The following ZBP1 variants were observed in gnomAD, a reference collection of about 807,000 sequenced individuals.
ZBP1 encodes the protein Z-DNA binding protein 1, also known as Z-DNA-binding protein 1.
Under a neutral mutation model 41.1 loss-of-function variants are expected in ZBP1, and 42 were observed. The ratio of observed to expected loss-of-function variants is 1.02; its 90% CI spans 0.80 to 1.32. ZBP1 has a LOEUF of 1.32. Ranked by LOEUF, ZBP1 falls within the 40% of genes most tolerant of loss-of-function variation. The pLI is 0.00. For missense variants in ZBP1, 562 were observed against 549.7 expected, an observed-to-expected ratio of 1.02 and a Z score of -0.22; for synonymous variants, 214 against 205.2, an observed-to-expected ratio of 1.04 and a Z score of -0.37.
At chr20:57,615,667 G>A in intron 2 of ZBP1, 87 bp from the exon 3 acceptor site, 1 of 1,211,642 alleles carries the variant, frequency 8.3e-7, no homozygotes, top group Non-Finnish European at 1.2e-6. Context: ...CTCCCTAGGG[G>A]TAAGTGGCAA....
In ZBP1 at chr20:57,610,240, G is replaced by A. The variant is rs201420065; in HGVS notation, c.1002C>T (p.Ile334=). The A allele has an allele frequency of 2.4e-4, 395 of 1,614,184 alleles. 4 individuals carry two copies. The South Asian group carries it at 2.6e-3, about 10-fold the overall frequency. Residue 334 remains isoleucine, a synonymous_variant, in exon 7 of 8, where the codon ATC becomes ATT. Transcript: ENST00000371173. The surrounding 1 kb of genome is among the most constrained non-coding windows in gnomAD (Gnocchi z 5.5). ...MKSCFLEDAT[I]GNSNKMSISP... ...TGATAGACATTTTGTTGCTGTTGCC[G>A]ATGGTGGCGTCCTCGAGAAAGCACG...
chr20:57,609,362 C>T (rs1379591245), intron 7 of ZBP1, among the ~76,000 whole-genome samples: 1 of 152,214 alleles, frequency 6.6e-6, no homozygotes, highest in Non-Finnish European at 1.5e-5. Context: ...CCCCTCTCCC[C>T]TCTTCCTGTT....
In ZBP1 at chr20:57,604,851, C is replaced by G. The variant is rs187668196; in HGVS notation, c.1094-82G>C. On this transcript the variant is annotated intron_variant, in intron 7 of 7. Transcript: ENST00000371173. ...CAGGGACCCGCTCTTGGAAGGATTT[C>G]GAGCTCAGCTTGAGCCTTTGTTGTT... The G allele has an allele frequency of 3.7e-6, 5 of 1,345,632 alleles. No individual in the cohort carries two copies. In the Admixed American group the frequency reaches 1.0e-4, roughly 28 times the overall value. 83.4% of individuals were successfully genotyped at this position (1,345,632 alleles called of 1,614,324 possible). A position where few individuals can be genotyped will look rare whatever the true frequency, so the allele number is the denominator to read the frequency against.
intron 7 of ZBP1, among the ~76,000 whole-genome samples, chr20:57,609,930 G>C (rs2070604915): frequency 6.6e-6 from 1 of 152,174 alleles, no homozygotes; most frequent in East Asian, 1.9e-4. Flanking sequence ...TAAGGAGACA[G>C]AGGCTCCTGG....
intron 7 of ZBP1, among the ~76,000 whole-genome samples, chr20:57,606,849 T>G (rs982547638): frequency 6.6e-6 from 1 of 152,226 alleles, no homozygotes; most frequent in African/African-American, 2.4e-5. Context: ...AACATTTCAC[T>G]GCTCATCGTC....
At position 57,616,386 on chromosome 20, in the gene ZBP1, T is replaced by G; in HGVS notation, c.117A>C (p.Gln39His). ...VKLAQLVKEC[Q>H]APKRELNQVL... ...CTTGGTTGAGCTCCCTCTTGGGTGC[T>G]TGGCATTCCTTCACCAGCTGGGCAA... Residue 39 changes from glutamine to histidine, a missense_variant, in exon 2 of 8, where the codon CAA (glutamine) becomes CAC (histidine). Transcript: ENST00000371173. 2 of 1,614,162 alleles carry G rather than the reference T, an allele frequency of 1.2e-6. No homozygotes were observed. The highest frequency in any genetic ancestry group is 1.7e-4 in the Middle Eastern group (1 of 6,054).
At chr20:57,618,435 G>A (rs571188138) in intron 1 of ZBP1, among the ~76,000 whole-genome samples, 1 of 152,282 alleles carries the variant, frequency 6.6e-6, no homozygotes, top group African/African-American at 2.4e-5. Flanking sequence ...TGGTTACAAC[G>A]CTGACCGGCT....
In ZBP1 at chr20:57,611,885, G is replaced by T. The variant is rs888158195; in HGVS notation, c.716C>A (p.Ser239Tyr). The T allele has an allele frequency of 3.2e-6, 5 of 1,574,434 alleles. No individual in the cohort carries two copies. The highest frequency in any genetic ancestry group is 3.5e-6 in the Non-Finnish European group (4 of 1,159,382). The change falls in exon 6 of 8, where the codon TCC (serine) becomes TAC (tyrosine). Residue 239 changes from serine (S) to tyrosine (Y), a missense_variant. Coordinates refer to ENST00000371173, the MANE Select transcript of ZBP1 (RefSeq NM_030776.3). ...RHLPSMAPGDSSTWGTLVDPW... is the reference protein window; with the variant it reads ...RHLPSMAPGDYSTWGTLVDPW... ...ATCAACTAGGGTCCCCCAAGTTGAGGAATCACCTGGTGCCATTGAAGGGAG... is the reference window on the plus strand; with the variant it reads ...ATCAACTAGGGTCCCCCAAGTTGAGTAATCACCTGGTGCCATTGAAGGGAG...
intron 7 of ZBP1, among the ~76,000 whole-genome samples, chr20:57,609,222 C>G (rs749008642): frequency 6.6e-6 from 1 of 152,190 alleles, no homozygotes; most frequent in Non-Finnish European, 1.5e-5. Flanking sequence ...TGGACCTGCC[C>G]AACTCTCCAG....
intron 2 of ZBP1, 66 bp from the exon 3 acceptor site, chr20:57,615,646 A>G: frequency 6.9e-7 from 1 of 1,443,782 alleles, no homozygotes; most frequent in Non-Finnish European, 9.5e-7. Flanking sequence ...CCACCCCACA[A>G]AGGTGGGCAG....
chr20:57,604,679 T>A lies in ZBP1; in HGVS notation c.1184A>T (p.Lys395Met), dbSNP rs556864954. 6 of 1,614,152 alleles carry A rather than the reference T, an allele frequency of 3.7e-6. No individual in the cohort carries two copies. Among genetic ancestry groups the A allele is most frequent in the Non-Finnish European group, 5.1e-6 (6 of 1,180,026 alleles). Reference protein sequence around the residue: ...ITPSHSKLTPKLETMTLGNRS... With the variant: ...ITPSHSKLTPMLETMTLGNRS... ...GTTTCCAAGAGTCATAGTTTCCAGC[T>A]TGGGGGTGAGCTTCGAGTGGCTGGG... is the stretch of plus-strand genomic sequence containing the variant. Residue 395 changes from lysine to methionine, a missense_variant, in exon 8 of 8, where the codon AAG (lysine) becomes ATG (methionine). By Grantham distance (95) the Lys-to-Met change is moderately conservative. Transcript: ENST00000371173.
chr20:57,612,995 C>T (rs887826188), intron 5 of ZBP1, 168 bp downstream of exon 5: 4 of 1,461,960 alleles, frequency 2.7e-6, no homozygotes, highest in Non-Finnish European at 2.7e-6. Context: ...ATCCAGGTGT[C>T]CTCATTCTCA....
rs11274166 is a variant in ZBP1 at position 57,610,507 on chromosome 20, GCCCGCCACACCTCCA to G, written c.875-155_875-141del. 5.1e-6 allele frequency: 4 copies of G among 788,224 alleles called. No individual in the cohort carries two copies. Among genetic ancestry groups the G allele is most frequent in the African/African-American group, 3.5e-5 (2 of 57,598 alleles). 48.8% of individuals were successfully genotyped at this position (788,224 alleles called of 1,614,324 possible). A position where few individuals can be genotyped will look rare whatever the true frequency, so the allele number is the denominator to read the frequency against. ...CATCCCAGGAGCACAGCCTGTGCCT[GCCCGCCACACCTCCA>G]CCCGCCACACCTCCGCTCGTGCTGT... On this transcript the variant is annotated intron_variant, in intron 6 of 7. Coordinates refer to ENST00000371173, the MANE Select transcript of ZBP1 (RefSeq NM_030776.3). The surrounding 1 kb of genome is among the most constrained non-coding windows in gnomAD (Gnocchi z 5.5).
rs754265502 is a variant in ZBP1 at position 57,613,110 on chromosome 20, A to T, written c.670+53T>A. ...CCTACCCTTTGCCCCCACCCAGAGG[A>T]TCCGGTGGCTCCCCACCGAGGTCCC... On this transcript the variant is annotated intron_variant, in intron 5 of 7. Transcript: ENST00000371173. The surrounding 1 kb of genome is among the most constrained non-coding windows in gnomAD (Gnocchi z 4.5). 1 of 1,606,942 alleles carries T rather than the reference A, an allele frequency of 6.2e-7. No homozygotes were observed. Among genetic ancestry groups the T allele is most frequent in the Non-Finnish European group, 8.5e-7 (1 of 1,176,790 alleles).
intron 5 of ZBP1, chr20:57,612,814 A>T: frequency 1.2e-6 from 1 of 848,940 alleles, no homozygotes; most frequent in Non-Finnish European, 1.5e-6. Context: ...AAGGCAATTG[A>T]GTTGTTTCTC....
intron 7 of ZBP1, among the ~76,000 whole-genome samples, chr20:57,606,427 T>C (rs2070499534): frequency 2.0e-5 from 3 of 152,244 alleles, no homozygotes; most frequent in Admixed American, 1.3e-4. Context: ...CAGCAAGTGC[T>C]GATGGAGAAG....
chr20:57,604,834 C>T (rs925745735), intron 7 of ZBP1, 65 bp from the exon 8 acceptor site: 103 of 1,472,360 alleles, frequency 7.0e-5, no homozygotes, highest in East Asian at 4.5e-5. Flanking sequence ...CACAGGGACC[C>T]GCTCTTGGAA....
At chr20:57,616,713 C>A in intron 1 of ZBP1, 1 of 518,452 alleles carries the variant, frequency 1.9e-6, no homozygotes, top group East Asian at 3.4e-5. Context: ...AGGGGAGGTG[C>A]CACCTCGCCT....
intron 7 of ZBP1, among the ~76,000 whole-genome samples, chr20:57,605,471 T>G (rs1018192882): frequency 6.6e-6 from 1 of 152,240 alleles, no homozygotes; most frequent in Non-Finnish European, 1.5e-5. Flanking sequence ...GCTATTATAA[T>G]TGCTTTGCTT....
Sources: gnomAD v4.1 joint callset for allele counts (sites outside exome capture counted in the v4.1 genomes callset) on GRCh38, gnomAD v4.1.1 for gene constraint, Gnocchi (gnomAD v3.1) non-coding constraint, MANE v1.5 for transcripts, NCBI Gene and HGNC (gene_info 2026-07-23, HGNC 2026-07-21) for gene names.